The following ZNF43 variants were observed in gnomAD, a reference collection of about 807,000 sequenced individuals.
ZNF43 encodes the protein zinc finger protein 43, also known as zinc finger protein 39-like 1 (KOX 27).
ZNF43 carries 44 observed loss-of-function variants against 68.4 expected under a neutral mutation model. The ratio of observed to expected loss-of-function variants is 0.64; its 90% CI spans 0.51 to 0.83. ZNF43 has a LOEUF of 0.83. Among genes scored for constraint, ZNF43 ranks in the 40% least tolerant of loss-of-function variants. The pLI is 0.00. For missense variants in ZNF43, 896 were observed against 933.2 expected, an observed-to-expected ratio of 0.96 and a Z score of 0.52; for synonymous variants, 308 against 307.8, an observed-to-expected ratio of 1.00 and a Z score of -0.01.
At chr19:21,818,949 A>G in intron 2 of ZNF43, 146 bp downstream of exon 2, 1 of 1,095,456 alleles carries the variant, frequency 9.1e-7, no homozygotes, top group Non-Finnish European at 1.3e-6. Context: ...AAAATTCTTT[A>G]GTGCGCCAAC....
intron 1 of ZNF43, among the ~76,000 whole-genome samples, chr19:21,830,200 G>A (rs535796183): frequency 1.3e-5 from 2 of 151,868 alleles, no homozygotes; most frequent in South Asian, 2.1e-4. Flanking sequence ...GCAGTGAGGC[G>A]GAGGTTGCAG....
intron 1 of ZNF43, among the ~76,000 whole-genome samples, chr19:21,848,670 C>T (rs920471776): frequency 2.0e-5 from 3 of 152,160 alleles, no homozygotes. Flanking sequence ...AAACTGAAAT[C>T]ACTCAGGTGC....
intron 1 of ZNF43, among the ~76,000 whole-genome samples, chr19:21,821,601 G>A (rs577487378): frequency 6.6e-6 from 1 of 152,168 alleles, no homozygotes; most frequent in African/African-American, 2.4e-5. Flanking sequence ...TAGAAATCTT[G>A]AGTATCCACA....
At chr19:21,844,036 A>C (rs1362014867) in intron 1 of ZNF43, among the ~76,000 whole-genome samples, 1 of 152,066 alleles carries the variant, frequency 6.6e-6, no homozygotes, top group Non-Finnish European at 1.5e-5. Context: ...TCAGTGTATT[A>C]CCCGAGGGCT....
At chr19:21,835,249 C>CAAAAAAAA (rs377486360) in intron 1 of ZNF43, among the ~76,000 whole-genome samples, 4 of 82,532 alleles carry the variant, frequency 4.8e-5, no homozygotes, top group Non-Finnish European at 4.9e-5. Context: ...AAGTCCATCT[C>CAAAAAAAA]AAAAAAAAAA....
intron 3 of ZNF43, among the ~76,000 whole-genome samples, chr19:21,816,018 G>T (rs1006275803): frequency 5.3e-5 from 8 of 151,158 alleles, no homozygotes; most frequent in African/African-American, 1.9e-4. Flanking sequence ...CTGAGACTGT[G>T]CCATTGCACT....
At position 21,809,870 on chromosome 19, in the gene ZNF43, G is replaced by A. The variant is rs2037195031; in HGVS notation, c.230-63C>T. 4 of 1,398,996 alleles carry A rather than the reference G, an allele frequency of 2.9e-6. No homozygotes were observed. The Admixed American group carries it at 9.8e-5, about 34-fold the overall frequency. The allele number at this position is 1,398,996 out of a possible 1,614,324, so 86.7% of individuals were successfully genotyped here. A position where few individuals can be genotyped will look rare whatever the true frequency, so the allele number is the denominator to read the frequency against. On this transcript the variant is annotated intron_variant, in intron 3 of 3. Coordinates refer to ENST00000354959, the MANE Select transcript of ZNF43 (RefSeq NM_003423.4). Reference sequence around the variant, plus strand: ...AGACTCAGAGATAAATATACTTTATGTAACATATAAAATCACACAAGCTAC... The same window carrying A: ...AGACTCAGAGATAAATATACTTTATATAACATATAAAATCACACAAGCTAC...
intron 3 of ZNF43, among the ~76,000 whole-genome samples, chr19:21,814,246 A>C (rs2037414695): frequency 6.6e-6 from 1 of 152,204 alleles, no homozygotes; most frequent in African/African-American, 2.4e-5. Flanking sequence ...TGGTGAAAAT[A>C]GACTATTTCC....
intron 1 of ZNF43, among the ~76,000 whole-genome samples, chr19:21,831,359 T>TA (rs1007699965): frequency 6.6e-6 from 1 of 151,798 alleles, no homozygotes; most frequent in African/African-American, 2.4e-5. Context: ...TTTTTTTTTT[T>TA]AATTTTTATT....
intron 1 of ZNF43, among the ~76,000 whole-genome samples, chr19:21,819,955 TTGGGAG>T (rs1416014038): frequency 1.3e-5 from 2 of 151,782 alleles, no homozygotes; most frequent in Non-Finnish European, 2.9e-5. Context: ...TCCTAGCACT[TTGGGAG>T]GCTGAGGCAG....
At chr19:21,823,119 A>T (rs2037936176) in intron 1 of ZNF43, among the ~76,000 whole-genome samples, 1 of 152,238 alleles carries the variant, frequency 6.6e-6, no homozygotes, top group African/African-American at 2.4e-5. Flanking sequence ...ATACAAAGAA[A>T]GTGGACAAAT....
At chr19:21,828,001 GTT>G (rs1323888718) in intron 1 of ZNF43, among the ~76,000 whole-genome samples, 1 of 152,028 alleles carries the variant, frequency 6.6e-6, no homozygotes, top group East Asian at 1.9e-4. Flanking sequence ...CACCTGACCT[GTT>G]TTTATCTGTC....
chr19:21,815,509 T>A (rs866015527), intron 3 of ZNF43, among the ~76,000 whole-genome samples: 26 of 129,574 alleles, frequency 2.0e-4, no homozygotes, highest in African/African-American at 7.0e-4. Flanking sequence ...ATATATATAT[T>A]TTGCAGAATA....
At chr19:21,832,212 A>G (rs531067462) in intron 1 of ZNF43, among the ~76,000 whole-genome samples, 11 of 152,250 alleles carry the variant, frequency 7.2e-5, no homozygotes, top group East Asian at 5.8e-4. Flanking sequence ...CAGAATAGAG[A>G]GCCCAGAAAT....
rs2036977957 is a variant in ZNF43 at position 21,807,140 on chromosome 19, T to C, written c.*467A>G. The C allele has an allele frequency of 6.6e-6, 1 of 152,398 alleles. No individual in the cohort carries two copies. The highest frequency in any genetic ancestry group is 1.5e-5 in the Non-Finnish European group (1 of 68,086). 9.4% of individuals were successfully genotyped at this position (152,398 alleles called of 1,614,324 possible). On this transcript the variant is annotated 3_prime_UTR_variant, in exon 4 of 4. Transcript: ENST00000354959. Reference sequence around the variant, plus strand: ...CCAGGGGTTTTTTCCAATATAAATTTTCTGATGTTGAACAGTATTTGAGCA... The same window carrying C: ...CCAGGGGTTTTTTCCAATATAAATTCTCTGATGTTGAACAGTATTTGAGCA...
chr19:21,805,655 G>C lies in ZNF43; in HGVS notation c.*1952C>G, dbSNP rs1375027734. 6.6e-6 allele frequency: 1 copy of C among 150,990 alleles called. No individual in the cohort carries two copies. Among genetic ancestry groups the C allele is most frequent in the African/African-American group, 2.4e-5 (1 of 41,218 alleles). 9.4% of individuals were successfully genotyped at this position (150,990 alleles called of 1,614,324 possible). On this transcript the variant is annotated 3_prime_UTR_variant, in exon 4 of 4. Coordinates refer to ENST00000354959, the MANE Select transcript of ZNF43 (RefSeq NM_003423.4). ...AAACAAACAAAAAAAATTATGAATA[G>C]CACAAAGAATAAAATAAGGTAATTA...
chr19:21,813,330 C>G (rs2037371513), intron 3 of ZNF43, among the ~76,000 whole-genome samples: 1 of 151,784 alleles, frequency 6.6e-6, no homozygotes, highest in Non-Finnish European at 1.5e-5. Context: ...AATCTATATT[C>G]ATAACAGAAA....
intron 1 of ZNF43, among the ~76,000 whole-genome samples, chr19:21,828,128 A>G (rs2038224676): frequency 6.6e-6 from 1 of 152,226 alleles, no homozygotes; most frequent in African/African-American, 2.4e-5. Context: ...TATTGTAACA[A>G]TTTGGTAGTG....
intron 1 of ZNF43, among the ~76,000 whole-genome samples, chr19:21,834,941 TAA>T (rs35243760): frequency 2.8e-4 from 37 of 132,026 alleles, no homozygotes; most frequent in East Asian, 1.1e-3. Flanking sequence ...AAATGTACAC[TAA>T]AAAAAAAAAA....
Sources: gnomAD v4.1 joint callset for allele counts (sites outside exome capture counted in the v4.1 genomes callset) on GRCh38, gnomAD v4.1.1 for gene constraint, MANE v1.5 for transcripts, NCBI Gene and HGNC (gene_info 2026-07-23, HGNC 2026-07-21) for gene names.